RASGEF1A: variants seen among roughly 807,000 people sequenced by gnomAD.
RASGEF1A encodes the protein RasGEF domain family member 1A.
A neutral mutation model predicts 56.4 loss-of-function variants in RASGEF1A; 18 were observed. That is an observed-to-expected ratio of 0.32 (90% CI 0.22 to 0.47). The LOEUF (loss-of-function observed/expected upper bound fraction) is 0.47. Ranked by LOEUF, RASGEF1A falls within the 20% of genes least tolerant of loss-of-function variation. RASGEF1A has a pLI of 1.00. For missense variants in RASGEF1A, 422 were observed against 627.1 expected, an observed-to-expected ratio of 0.67 and a Z score of 3.49; for synonymous variants, 245 against 242.6, an observed-to-expected ratio of 1.01 and a Z score of -0.09.
At chr10:43,208,478 A>G in intron 1 of RASGEF1A, 3 of 985,654 alleles carry the variant, frequency 3.0e-6, no homozygotes, top group Non-Finnish European at 3.6e-6. Flanking sequence ...GGGGCTGGGA[A>G]GGCCACGCCT....
chr10:43,213,721 G>T (rs2133196439), intron 1 of RASGEF1A, among the ~76,000 whole-genome samples: 1 of 152,304 alleles, frequency 6.6e-6, no homozygotes, highest in African/African-American at 2.4e-5. Flanking sequence ...CTGCCTCACA[G>T]GTTCAAGCGA....
chr10:43,238,895 T>C (rs1262797021), intron 1 of RASGEF1A, among the ~76,000 whole-genome samples: 1 of 152,232 alleles, frequency 6.6e-6, no homozygotes, highest in African/African-American at 2.4e-5. Context: ...AATACACAAG[T>C]CTGCACGTGC....
chr10:43,244,241 A>AGGGAATTCTCAAATTTACTTAAGT (rs1554828593), intron 1 of RASGEF1A, among the ~76,000 whole-genome samples: 12 of 151,890 alleles, frequency 7.9e-5, no homozygotes, highest in South Asian at 2.1e-4. Context: ...CAGGGACACA[A>AGGGAATTCTCAAATTTACTTAAGT]ACAGGGCCGA....
chr10:43,202,069 A>G (rs1839908682), intron 3 of RASGEF1A, 124 bp from the exon 4 acceptor site: 5 of 1,061,582 alleles, frequency 4.7e-6, no homozygotes, highest in Non-Finnish European at 5.1e-6. Context: ...ACAGCCCCCA[A>G]CTGCGTGCCA....
At chr10:43,242,553 T>C (rs1284388431) in intron 1 of RASGEF1A, among the ~76,000 whole-genome samples, 2 of 152,030 alleles carry the variant, frequency 1.3e-5, no homozygotes, top group Non-Finnish European at 2.9e-5. Context: ...TCTCCCTCTT[T>C]CTACCGTCTC....
intron 1 of RASGEF1A, among the ~76,000 whole-genome samples, chr10:43,257,246 C>G (rs763879234): frequency 2.6e-5 from 4 of 152,220 alleles, no homozygotes; most frequent in Non-Finnish European, 5.9e-5. Context: ...GGCCACTTCT[C>G]GTTATCAGCA....
intron 1 of RASGEF1A, among the ~76,000 whole-genome samples, chr10:43,229,232 C>G (rs1840325310): frequency 1.3e-5 from 2 of 152,320 alleles, no homozygotes; most frequent in South Asian, 4.1e-4. Context: ...TAAGCGCGCC[C>G]GCGCTTCCGC....
intron 1 of RASGEF1A, chr10:43,206,567 T>C: frequency 9.9e-7 from 1 of 1,009,928 alleles, no homozygotes; most frequent in Non-Finnish European, 1.2e-6. Flanking sequence ...GACCCAGAGA[T>C]GTGTGCAGCG....
chr10:43,238,559 CA>C (rs1313600987), intron 1 of RASGEF1A, among the ~76,000 whole-genome samples: 1 of 152,250 alleles, frequency 6.6e-6, no homozygotes, highest in East Asian at 1.9e-4. Context: ...TGCAACTCTG[CA>C]AAGACACCAG....
At chr10:43,255,773 A>G (rs1225593921) in intron 1 of RASGEF1A, among the ~76,000 whole-genome samples, 1 of 152,072 alleles carries the variant, frequency 6.6e-6, no homozygotes, top group African/African-American at 2.4e-5. Context: ...AGTAGGCACA[A>G]GTGTTGGCTC....
intron 1 of RASGEF1A, among the ~76,000 whole-genome samples, chr10:43,250,502 T>C (rs532289273): frequency 6.6e-6 from 1 of 152,286 alleles, no homozygotes; most frequent in Admixed American, 6.5e-5. Context: ...AGAAACAGAT[T>C]CCTGGGCTCC....
At chr10:43,203,475 G>T in intron 2 of RASGEF1A, 55 bp from the exon 3 acceptor site, 1 of 1,464,524 alleles carries the variant, frequency 6.8e-7, no homozygotes, top group Non-Finnish European at 9.1e-7. Flanking sequence ...GCCCCCGGGG[G>T]CTCACCGCGC....
chr10:43,208,175 C>T (rs534835299), intron 1 of RASGEF1A: 5 of 985,320 alleles, frequency 5.1e-6, no homozygotes, highest in East Asian at 1.1e-4. Context: ...GTTCAAAAGG[C>T]GACCAGCAGG....
At chr10:43,247,400 C>T (rs773612491) in intron 1 of RASGEF1A, among the ~76,000 whole-genome samples, 16 of 152,178 alleles carry the variant, frequency 1.1e-4, no homozygotes, top group African/African-American at 2.4e-4. Flanking sequence ...CCAACAATTC[C>T]GCTCCTTGTA....
At chr10:43,222,077 G>T (rs139346513) in intron 1 of RASGEF1A, among the ~76,000 whole-genome samples, 15 of 152,324 alleles carry the variant, frequency 9.8e-5, no homozygotes, top group Non-Finnish European at 1.9e-4. Flanking sequence ...ACACACCCAG[G>T]CTCCGTGGTA....
At chr10:43,210,268 T>C (rs1840047779) in intron 1 of RASGEF1A, among the ~76,000 whole-genome samples, 1 of 152,092 alleles carries the variant, frequency 6.6e-6, no homozygotes, top group African/African-American at 2.4e-5. Context: ...ACTCAGGAGT[T>C]GGAGACAAGC....
At chr10:43,243,928 G>A (rs1209753622) in intron 1 of RASGEF1A, among the ~76,000 whole-genome samples, 1 of 152,208 alleles carries the variant, frequency 6.6e-6, no homozygotes, top group African/African-American at 2.4e-5. Flanking sequence ...TGACGATGGT[G>A]GTTTTGTTGA....
At chr10:43,244,829 A>G (rs1314542557) in intron 1 of RASGEF1A, among the ~76,000 whole-genome samples, 1 of 152,172 alleles carries the variant, frequency 6.6e-6, no homozygotes, top group African/African-American at 2.4e-5. Flanking sequence ...GTTTAAAAAT[A>G]TATATATAAA....
chr10:43,235,692 C>T, intron 1 of RASGEF1A, among the ~76,000 whole-genome samples: 1 of 152,176 alleles, frequency 6.6e-6, no homozygotes, highest in East Asian at 1.9e-4. Flanking sequence ...GCCTCTGGTC[C>T]AGGGGAAGAG....
Sources: allele counts gnomAD v4.1 joint callset (sites outside exome capture counted in the v4.1 genomes callset), GRCh38; gene constraint gnomAD v4.1.1; transcripts MANE v1.5; gene names NCBI Gene and HGNC (gene_info 2026-07-23, HGNC 2026-07-21).